Variants in DNAH7 observed in about 807,000 individuals in gnomAD.
DNAH7 encodes dynein axonemal heavy chain 7, also known as axonemal beta dynein heavy chain 7.
A neutral mutation model predicts 444.6 loss-of-function variants in DNAH7; 397 were observed. That is an observed-to-expected ratio of 0.89 (90% CI 0.82 to 0.97). DNAH7 has a LOEUF of 0.97. DNAH7 is among the 50% of genes least tolerant of loss of function. The pLI, the probability that DNAH7 is intolerant of heterozygous loss-of-function variation, is 0.00. For synonymous variants in DNAH7, 1,636 were observed against 1,624.4 expected, an observed-to-expected ratio of 1.01 and a Z score of -0.17; for missense variants, 4,902 against 4,800.8, an observed-to-expected ratio of 1.02 and a Z score of -0.62.
At position 195,954,207 on chromosome 2, in the gene DNAH7, G is replaced by A. The variant is rs186953051; in HGVS notation, c.3078+3054C>T. Among the ~76,000 whole-genome samples the A allele has an allele frequency of 1.8e-4, 28 of 152,184 alleles. No homozygotes were observed. The East Asian group carries it at 5.0e-3, about 27-fold the overall frequency. ...CCCACCCCACGACAGGCCCTGGTAT[G>A]TGATGTTCCCCTTCCTGTGTCCAGG... On this transcript the variant is annotated intron_variant, in intron 19 of 64. Transcript: ENST00000312428.
At chr2:196,066,542 T>C (rs1445235135) in intron 1 of DNAH7, among the ~76,000 whole-genome samples, 8 of 152,224 alleles carry the variant, frequency 5.3e-5, no homozygotes, top group Non-Finnish European at 1.0e-4. Flanking sequence ...GGTCTTCGGA[T>C]ATTTGTGCCT....
At chr2:196,064,345 AAAT>A (rs375763132) in intron 1 of DNAH7, among the ~76,000 whole-genome samples, 122,442 of 143,504 alleles carry the variant, frequency 0.85, 52,130 homozygotes, top group South Asian at 0.97. Flanking sequence ...ATAAATAAAT[AAAT>A]AATAAATAAT....
Position 195,769,769 on chromosome 2 carries a change from C to A in DNAH7, c.11433+1891G>T, listed in dbSNP as rs111902301. On this transcript the variant is annotated intron_variant, in intron 61 of 64. Transcript: ENST00000312428. ...CCTTTGTGGATAGGTTTGCATAGAC[C>A]TGCTTGCCACCGAAAAATGCTCATC... is the stretch of plus-strand genomic sequence containing the variant. Among the ~76,000 whole-genome samples, 277 of 152,114 alleles carry A rather than the reference C, an allele frequency of 1.8e-3. 1 individual carries two copies. The highest frequency in any genetic ancestry group is 6.6e-3 in the African/African-American group (272 of 41,510).
intron 27 of DNAH7, chr2:195,902,309 A>C (rs926865677): frequency 1.5e-4 from 23 of 152,092 alleles, no homozygotes; most frequent in East Asian, 5.8e-4. Context: ...GGAAAGAATA[A>C]AATGTTTAAA....
intron 15 of DNAH7, among the ~76,000 whole-genome samples, chr2:195,972,831 C>T (rs939149424): frequency 3.3e-5 from 5 of 152,168 alleles, no homozygotes; most frequent in Non-Finnish European, 7.3e-5. Context: ...GCTGGCAATA[C>T]ACTGTGATGA....
At chr2:195,900,149 C>A (rs1686611332) in intron 28 of DNAH7, 133 bp downstream of exon 28, 1 of 921,418 alleles carries the variant, frequency 1.1e-6, no homozygotes, top group South Asian at 1.6e-5. Context: ...CAAGATAATA[C>A]ATTTTTGGTT....
At position 195,789,380 on chromosome 2, in the gene DNAH7, G is replaced by A. The variant is rs77951909; in HGVS notation, c.10717-2209C>T. Among the ~76,000 whole-genome samples, 1,384 of 152,250 alleles carry A rather than the reference G, an allele frequency of 9.1e-3. 4 individuals are homozygous for A. Among genetic ancestry groups the A allele is most frequent in the Middle Eastern group, 0.021 (6 of 292 alleles). On this transcript the variant is annotated intron_variant, in intron 57 of 64. Transcript: ENST00000312428. ...AAATGGCGGAGAAGGGAGAACTGTT[G>A]CTTGTAGTAGAGTGCCAAGTGTCGA...
intron 49 of DNAH7, among the ~76,000 whole-genome samples, chr2:195,821,354 T>C (rs564907069): frequency 1.3e-5 from 2 of 152,296 alleles, no homozygotes; most frequent in African/African-American, 2.4e-5. Flanking sequence ...CTACTTTTGG[T>C]TTTTGTCTTT....
At chr2:195,848,864 G>C (rs1464191098) in intron 46 of DNAH7, among the ~76,000 whole-genome samples, 1 of 152,264 alleles carries the variant, frequency 6.6e-6, no homozygotes, top group East Asian at 1.9e-4. Flanking sequence ...AAAATGGTTG[G>C]GGTGAGGGCT....
chr2:195,946,050 C>T (rs182744950), intron 19 of DNAH7, among the ~76,000 whole-genome samples: 196 of 152,118 alleles, frequency 1.3e-3, no homozygotes, highest in African/African-American at 4.7e-3. Flanking sequence ...GTCAGTCACC[C>T]GGTGTGCTGA....
At chr2:195,900,661 G>A (rs1686647625) in intron 27 of DNAH7, 167 bp from the exon 28 acceptor site, 2 of 598,080 alleles carry the variant, frequency 3.3e-6, no homozygotes, top group Non-Finnish European at 5.7e-6. Flanking sequence ...GGTGAGGTGG[G>A]GCAATGGGGA....
At chr2:196,042,134 C>T (rs1194742256) in intron 5 of DNAH7, among the ~76,000 whole-genome samples, 4 of 151,782 alleles carry the variant, frequency 2.6e-5, no homozygotes, top group African/African-American at 9.7e-5. Flanking sequence ...ATTAGTACAG[C>T]CAATATAGGA....
intron 9 of DNAH7, among the ~76,000 whole-genome samples, chr2:196,017,129 C>T (rs1488540598): frequency 6.6e-6 from 1 of 152,142 alleles, no homozygotes; most frequent in African/African-American, 2.4e-5. Flanking sequence ...ATTTTCCGGC[C>T]TCAGCCTCCC....
rs564553511 is a variant in DNAH7 at position 195,832,679 on chromosome 2, T to C, written c.9100+1527A>G. ...TTAGCCTCAAACTCCTGGGTTCAAGTAATCCTCCCGTCTCAGCCTCCTAAA... is the reference window on the plus strand; with the variant it reads ...TTAGCCTCAAACTCCTGGGTTCAAGCAATCCTCCCGTCTCAGCCTCCTAAA... On this transcript the variant is annotated intron_variant, in intron 48 of 64. Transcript: ENST00000312428. 4.2e-4 allele frequency among the ~76,000 whole-genome samples: 64 copies of C among 152,198 alleles called. 1 individual carries two copies. The South Asian group carries it at 0.011, about 26-fold the overall frequency.
At chr2:196,026,595 ACATT>A (rs1695705067) in intron 7 of DNAH7, among the ~76,000 whole-genome samples, 161 bp downstream of exon 7, 1 of 152,192 alleles carries the variant, frequency 6.6e-6, no homozygotes, top group Non-Finnish European at 1.5e-5. Flanking sequence ...TTGTAATACT[ACATT>A]AATGGAATTT....
Position 195,872,284 on chromosome 2 carries a change from G to T in DNAH7, c.6599C>A (p.Thr2200Asn), listed in dbSNP as rs780889819. The T allele has an allele frequency of 8.1e-6, 13 of 1,613,686 alleles. No homozygotes were observed. In the East Asian group the frequency reaches 2.9e-4, roughly 36 times the overall value. Residue 2200 changes from threonine (T) to asparagine (N), a missense_variant, in exon 40 of 65, where the codon ACC (threonine) becomes AAC (asparagine). Physicochemically the swap from Thr to Asn is moderately conservative, Grantham distance 65 (BLOSUM62 0). Coordinates refer to ENST00000312428, the MANE Select transcript of DNAH7 (RefSeq NM_018897.3). The part of the protein sequence containing the change: ...VCLSRPETTE[T>N]TEVIKRLWVH... ...CCAAAGACGTTTAATCACTTCTGTG[G>T]TTTCTGTTGTTTCTGGTCTTGACAA...
At chr2:195,959,082 A>T (rs527479854) in intron 18 of DNAH7, among the ~76,000 whole-genome samples, 1 of 152,068 alleles carries the variant, frequency 6.6e-6, no homozygotes, top group South Asian at 2.1e-4. Context: ...TTAATTAATT[A>T]ATTTAATTAA....
intron 8 of DNAH7, 41 bp from the exon 9 acceptor site, chr2:196,019,336 G>A: frequency 1.4e-6 from 2 of 1,417,622 alleles, no homozygotes; most frequent in Non-Finnish European, 9.4e-7. Flanking sequence ...CTCAAAAAAA[G>A]TATTTTTATA....
At chr2:195,947,746 A>G (rs1484039026) in intron 19 of DNAH7, among the ~76,000 whole-genome samples, 2 of 152,168 alleles carry the variant, frequency 1.3e-5, no homozygotes, top group Non-Finnish European at 2.9e-5. Context: ...TAGTGCTGCA[A>G]TAAACACACG....
Sources: allele counts gnomAD v4.1 joint callset (sites outside exome capture counted in the v4.1 genomes callset), GRCh38; gene constraint gnomAD v4.1.1; transcripts MANE v1.5; gene names NCBI Gene and HGNC (gene_info 2026-07-23, HGNC 2026-07-21).